The following UVRAG variants were observed in gnomAD, a reference collection of about 807,000 sequenced individuals.
The protein encoded by UVRAG is UV radiation resistance associated, also known as UV radiation resistance-associated gene protein.
A neutral mutation model predicts 78.0 loss-of-function variants in UVRAG; 19 were observed. The ratio of observed to expected loss-of-function variants is 0.24; its 90% CI spans 0.17 to 0.36. The LOEUF is 0.36. Among genes scored for constraint, UVRAG ranks in the 10% least tolerant of loss-of-function variants. The pLI is 1.00. For synonymous variants in UVRAG, 323 were observed against 324.6 expected, an observed-to-expected ratio of 1.00 and a Z score of 0.05; for missense variants, 740 against 853.8, an observed-to-expected ratio of 0.87 and a Z score of 1.66.
Position 76,140,680 on chromosome 11 carries a change from A to G in UVRAG, c.1398-31A>G, listed in dbSNP as rs779764195. ...GGCTTACACTGAGTTCTGAAGTCCAAAGTAACTTCTTGTTTTTGTTTCTCT... is the reference window on the plus strand; with the variant it reads ...GGCTTACACTGAGTTCTGAAGTCCAGAGTAACTTCTTGTTTTTGTTTCTCT... On this transcript the variant is annotated intron_variant, in intron 14 of 14. Coordinates refer to ENST00000356136, the MANE Select transcript of UVRAG (RefSeq NM_003369.4). The G allele has an allele frequency of 7.2e-6, 11 of 1,536,088 alleles. No homozygotes were observed. In the African/African-American group the frequency reaches 8.3e-5, roughly 12 times the overall value.
chr11:75,844,678 C>CTTTTTT (rs111624830), intron 1 of UVRAG, among the ~76,000 whole-genome samples: 1 of 143,006 alleles, frequency 7.0e-6, no homozygotes, highest in Non-Finnish European at 1.5e-5. Context: ...CTTTTCTTTT[C>CTTTTTT]TTTTTTTTTT....
At chr11:76,133,949 T>C (rs1040302156) in intron 14 of UVRAG, among the ~76,000 whole-genome samples, 64 of 150,650 alleles carry the variant, frequency 4.2e-4, no homozygotes, top group Non-Finnish European at 8.4e-4. Context: ...TTTTTTCTTT[T>C]TTTCTTTTCT....
intron 4 of UVRAG, among the ~76,000 whole-genome samples, chr11:75,888,250 C>T: frequency 6.6e-6 from 1 of 152,160 alleles, no homozygotes; most frequent in South Asian, 2.1e-4. Context: ...CCTCCCACCA[C>T]AGCCTCCCGA....
chr11:76,136,656 C>T (rs1952602589), intron 14 of UVRAG, among the ~76,000 whole-genome samples: 1 of 150,890 alleles, frequency 6.6e-6, no homozygotes, highest in South Asian at 2.1e-4. Context: ...CACCACCATA[C>T]CCAGCTAATT....
intron 13 of UVRAG, among the ~76,000 whole-genome samples, chr11:76,101,573 C>G (rs1261817359): frequency 6.6e-6 from 1 of 152,076 alleles, no homozygotes. Flanking sequence ...TGCAGAAGCT[C>G]TTTAGTTTAA....
chr11:75,920,672 A>G (rs1454727164), intron 6 of UVRAG, among the ~76,000 whole-genome samples: 1 of 152,162 alleles, frequency 6.6e-6, no homozygotes, highest in Admixed American at 6.5e-5. Flanking sequence ...CCATGTTAAC[A>G]ATCTGATATG....
At chr11:76,052,577 T>C (rs1950890653) in intron 12 of UVRAG, among the ~76,000 whole-genome samples, 1 of 152,208 alleles carries the variant, frequency 6.6e-6, no homozygotes, top group Non-Finnish European at 1.5e-5. Flanking sequence ...TACCTACCAG[T>C]GAACCCACAG....
intron 12 of UVRAG, among the ~76,000 whole-genome samples, chr11:76,051,032 C>A (rs1485687858): frequency 6.6e-6 from 1 of 152,064 alleles, no homozygotes; most frequent in African/African-American, 2.4e-5. Flanking sequence ...GATTGAGTAC[C>A]TGTTATCAGC....
rs567978919 is a variant in UVRAG at position 75,833,514 on chromosome 11, A to T, written c.117+17990A>T. ...GGATATTCTATTTCATATCCATAGC[A>T]TAGTTATCTGCCGAGACCAGCTCGG... On this transcript the variant is annotated intron_variant, in intron 1 of 14. Transcript: ENST00000356136. 2.0e-5 allele frequency among the ~76,000 whole-genome samples: 3 copies of T among 152,298 alleles called. No individual in the cohort carries two copies. The East Asian group carries it at 5.8e-4, about 29-fold the overall frequency.
rs1021663686 is a variant in UVRAG at position 76,142,973 on chromosome 11, C to T, written c.*1560C>T. ...GAGAACTCACAGGATGACTACATCA[C>T]AAATAAACCCAACTCTCAGGCAGTC... is the stretch of plus-strand genomic sequence containing the variant. On this transcript the variant is annotated 3_prime_UTR_variant, in exon 15 of 15. Transcript: ENST00000356136. The T allele has an allele frequency of 1.3e-5, 2 of 152,196 alleles. No individual in the cohort carries two copies. Among genetic ancestry groups the T allele is most frequent in the Non-Finnish European group, 1.5e-5 (1 of 68,036 alleles). 9.4% of individuals were successfully genotyped at this position (152,196 alleles called of 1,614,324 possible).
chr11:75,918,050 C>T (rs996088118), intron 6 of UVRAG, among the ~76,000 whole-genome samples: 1 of 152,050 alleles, frequency 6.6e-6, no homozygotes, highest in Admixed American at 6.5e-5. Context: ...CAATCTTTTA[C>T]ACTGCTGCTG....
At chr11:76,072,616 G>A (rs1030896849) in intron 13 of UVRAG, among the ~76,000 whole-genome samples, 1 of 152,026 alleles carries the variant, frequency 6.6e-6, no homozygotes, top group Non-Finnish European at 1.5e-5. Context: ...TAAATGTATA[G>A]TTCTTAACCA....
At chr11:75,928,012 G>C (rs1331745114) in intron 6 of UVRAG, among the ~76,000 whole-genome samples, 1 of 152,138 alleles carries the variant, frequency 6.6e-6, no homozygotes, top group Non-Finnish European at 1.5e-5. Context: ...TGAGGCTGGA[G>C]GATCCCTTGA....
intron 6 of UVRAG, among the ~76,000 whole-genome samples, chr11:75,951,368 T>TTTTTG (rs529777613): frequency 0.017 from 2,536 of 150,394 alleles, 71 homozygotes; most frequent in African/African-American, 0.059. Context: ...TGTATATATT[T>TTTTTG]TTTGTTTGTT....
intron 1 of UVRAG, among the ~76,000 whole-genome samples, chr11:75,837,305 C>T (rs189453546): frequency 0.012 from 1,548 of 131,080 alleles, 30 homozygotes; most frequent in African/African-American, 0.043. Context: ...CCGGCCTGGG[C>T]GACAGAGTGA....
intron 6 of UVRAG, among the ~76,000 whole-genome samples, chr11:75,931,555 A>G (rs975986492): frequency 3.3e-5 from 5 of 152,224 alleles, no homozygotes; most frequent in Non-Finnish European, 4.4e-5. Flanking sequence ...AAAAAATCAA[A>G]TTCTAAAATG....
intron 7 of UVRAG, among the ~76,000 whole-genome samples, chr11:75,975,055 A>G (rs368612519): frequency 6.6e-6 from 1 of 152,198 alleles, no homozygotes; most frequent in South Asian, 2.1e-4. Flanking sequence ...TAATTTTTGT[A>G]TAAGGTGTAA....
intron 1 of UVRAG, among the ~76,000 whole-genome samples, chr11:75,837,326 CAAAAAA>C (rs753820781): frequency 3.1e-5 from 2 of 64,464 alleles, no homozygotes; most frequent in Admixed American, 1.7e-4. Flanking sequence ...GACTCTGTCT[CAAAAAA>C]AAAAAAAAAA....
intron 12 of UVRAG, among the ~76,000 whole-genome samples, chr11:76,056,360 T>C (rs1215652742): frequency 6.6e-6 from 1 of 152,266 alleles, no homozygotes; most frequent in South Asian, 2.1e-4. Context: ...CTTGGGTAAA[T>C]ACGCAGGAAC....
Sources: allele counts gnomAD v4.1 joint callset (sites outside exome capture counted in the v4.1 genomes callset), GRCh38; gene constraint gnomAD v4.1.1; transcripts MANE v1.5; gene names NCBI Gene and HGNC (gene_info 2026-07-23, HGNC 2026-07-21).